Variants in GPR132 observed in about 807,000 individuals in gnomAD.
GPR132 encodes G protein-coupled receptor 132.
In GPR132, 4 loss-of-function variants were observed where a neutral mutation model predicts 1.9. That is an observed-to-expected ratio of 2.13 (90% CI 1.05 to 4.87). GPR132 has a LOEUF of 4.87. Among genes scored for constraint, GPR132 ranks in the 30% most tolerant of loss-of-function variants. The pLI, the probability that GPR132 is intolerant of heterozygous loss-of-function variation, is 0.01. For missense variants in GPR132, 404 were observed against 512.5 expected, an observed-to-expected ratio of 0.79 and a Z score of 2.04; for synonymous variants, 233 against 234.2, an observed-to-expected ratio of 0.99 and a Z score of 0.05.
chr14:105,054,175 G>A (rs1312469982), intron 3 of GPR132: 7 of 1,257,260 alleles, frequency 5.6e-6, no homozygotes, highest in East Asian at 6.0e-5. Flanking sequence ...CCTGACGGAC[G>A]GACAGAGCGT....
Position 105,051,398 on chromosome 14 carries a change from C to T in GPR132, c.739G>A (p.Val247Met), listed in dbSNP as rs1173487669. The T allele has an allele frequency of 6.2e-7, 1 of 1,614,172 alleles. No individual in the cohort carries two copies. Among genetic ancestry groups the T allele is most frequent in the South Asian group, 1.1e-5 (1 of 91,090 alleles). ...AAGCAGACTAGGAAGATGACAACCA[C>T]CGCGATGGCCGAGTGCTTCACCTTG... ...KAKVKHSAIAVVVIFLVCFAP... is the reference protein window; with the variant it reads ...KAKVKHSAIAMVVIFLVCFAP... Residue 247 changes from valine to methionine, a missense_variant, in exon 4 of 4, where the codon GTG (valine) becomes ATG (methionine). Coordinates refer to ENST00000329797, the MANE Select transcript of GPR132 (RefSeq NM_013345.4). This position sits in a 1 kb window ranked among gnomAD's most constrained non-coding sequence, Gnocchi z 8.0.
chr14:105,057,721 C>T (rs565049164), intron 1 of GPR132, among the ~76,000 whole-genome samples: 1 of 148,580 alleles, frequency 6.7e-6, no homozygotes, highest in Admixed American at 6.8e-5. Context: ...CAGAGTCGCA[C>T]TCTGTTGCCC....
intron 1 of GPR132, chr14:105,057,522 T>C (rs1886829664): frequency 4.5e-6 from 1 of 221,984 alleles, no homozygotes; most frequent in Admixed American, 5.9e-5. Flanking sequence ...TTTTTTTTTT[T>C]TTTTTTTTTT....
rs1886902857 is a variant in GPR132 at position 105,060,136 on chromosome 14, C to T, written c.-860-2856G>A. Among the ~76,000 whole-genome samples, 1 of 152,222 alleles carries T rather than the reference C, an allele frequency of 6.6e-6. No homozygotes were observed. Among genetic ancestry groups the T allele is most frequent in the Non-Finnish European group, 1.5e-5 (1 of 68,042 alleles). ...TGGGGCAGCGCTGAGGGTCTTCAGACTCTCCCTCGGGTGCCTGTGTGCTGG... is the reference window on the plus strand; with the variant it reads ...TGGGGCAGCGCTGAGGGTCTTCAGATTCTCCCTCGGGTGCCTGTGTGCTGG... On this transcript the variant is annotated intron_variant, in intron 1 of 3. Coordinates refer to ENST00000329797, the MANE Select transcript of GPR132 (RefSeq NM_013345.4). The surrounding 1 kb of genome is among the most constrained non-coding windows in gnomAD (Gnocchi z 6.3).
In GPR132 at chr14:105,059,261, C is replaced by A. The variant is rs547851439; in HGVS notation, c.-860-1981G>T. Among the ~76,000 whole-genome samples, 15 of 152,206 alleles carry A rather than the reference C, an allele frequency of 9.9e-5. No homozygotes were observed. The highest frequency in any genetic ancestry group is 2.2e-4 in the Non-Finnish European group (15 of 68,022). On this transcript the variant is annotated intron_variant, in intron 1 of 3. Transcript: ENST00000329797. The surrounding 1 kb of genome is among the most constrained non-coding windows in gnomAD (Gnocchi z 4.2). Reference sequence around the variant, plus strand: ...GAGCCACTTGCTCTTCCCGCCCATCCCACGTGGCTCTTGCAGGAATTCTCT... The same window carrying A: ...GAGCCACTTGCTCTTCCCGCCCATCACACGTGGCTCTTGCAGGAATTCTCT...
At chr14:105,054,813 G>A (rs766597766) in intron 3 of GPR132, among the ~76,000 whole-genome samples, 20 of 150,640 alleles carry the variant, frequency 1.3e-4, no homozygotes, top group Non-Finnish European at 2.5e-4. Flanking sequence ...GCCAGGGTGG[G>A]GAGATCACTA....
At chr14:105,053,587 A>T (rs997898991) in intron 3 of GPR132, among the ~76,000 whole-genome samples, 1 of 151,754 alleles carries the variant, frequency 6.6e-6, no homozygotes, top group Non-Finnish European at 1.5e-5. Context: ...TGCTTTACGT[A>T]TTTGAAGCTA....
chr14:105,062,176 C>T (rs903626229), intron 1 of GPR132, among the ~76,000 whole-genome samples: 1 of 152,228 alleles, frequency 6.6e-6, no homozygotes, highest in African/African-American at 2.4e-5. Context: ...AGCCTGACAC[C>T]CCCGTCCACC....
In GPR132 at chr14:105,050,578, G is replaced by T; in HGVS notation, c.*416C>A. The T allele has an allele frequency of 4.7e-6, 1 of 211,616 alleles. No individual in the cohort carries two copies. The highest frequency in any genetic ancestry group is 9.7e-6 in the Non-Finnish European group (1 of 103,436). The allele number at this position is 211,616 out of a possible 1,614,324, so 13.1% of individuals were successfully genotyped here. ...ACATTCTGAGGCAGGAGCCCAGAGG[G>T]CCCACAATGCACCACCGCATCCAGG... On this transcript the variant is annotated 3_prime_UTR_variant, in exon 4 of 4. Transcript: ENST00000329797. The surrounding 1 kb of genome is among the most constrained non-coding windows in gnomAD (Gnocchi z 4.0).
In GPR132 at chr14:105,056,470, G is replaced by A. The variant is rs866501084; in HGVS notation, c.-746-304C>T. Among the ~76,000 whole-genome samples the A allele has an allele frequency of 7.7e-4, 118 of 152,310 alleles. 1 individual carries two copies. The highest frequency in any genetic ancestry group is 2.6e-3 in the African/African-American group (108 of 41,566). ...GGCAGAGCCAGAATCCAAAACACAA[G>A]GGGAGATGCAGGCAAGACCCGGGGT... On this transcript the variant is annotated intron_variant, in intron 2 of 3. Transcript: ENST00000329797. The surrounding 1 kb of genome is among the most constrained non-coding windows in gnomAD (Gnocchi z 6.0).
intron 3 of GPR132, chr14:105,054,437 T>C (rs1886733812): frequency 1.0e-6 from 1 of 982,396 alleles, no homozygotes; most frequent in African/African-American, 1.8e-5. Flanking sequence ...CTTTTTTTTT[T>C]TTTTGAGACG....
chr14:105,054,868 C>T (rs918280603), intron 3 of GPR132, among the ~76,000 whole-genome samples: 2 of 151,050 alleles, frequency 1.3e-5, no homozygotes, highest in South Asian at 2.1e-4. Flanking sequence ...GGTGAAAACT[C>T]GTCTCTACTA....
At chr14:105,053,801 G>A (rs1046546175) in intron 3 of GPR132, 3 of 394,996 alleles carry the variant, frequency 7.6e-6, no homozygotes, top group South Asian at 1.2e-4. Context: ...GTTGAATGAA[G>A]GTTGCTAACT....
Position 105,051,349 on chromosome 14 carries a change from A to G in GPR132, c.788T>C (p.Leu263Pro). 1 of 1,614,022 alleles carries G rather than the reference A, an allele frequency of 6.2e-7. No individual in the cohort carries two copies. The highest frequency in any genetic ancestry group is 8.5e-7 in the Non-Finnish European group (1 of 1,179,852). Residue 263 changes from leucine (L) to proline (P), a missense_variant, in exon 4 of 4, where the codon CTC (leucine) becomes CCC (proline). Physicochemically the swap from Leu to Pro is moderately conservative, Grantham distance 98. Coordinates refer to ENST00000329797, the MANE Select transcript of GPR132 (RefSeq NM_013345.4). This position sits in a 1 kb window ranked among gnomAD's most constrained non-coding sequence, Gnocchi z 8.0. ...GTAGGAAAAGGCAGCGGCTTTGACG[A>G]GGAGAACCAGGTGGTACGGGGCGAA... Reference protein sequence around the residue: ...VCFAPYHLVLLVKAAAFSYYR... With the variant: ...VCFAPYHLVLPVKAAAFSYYR...
chr14:105,051,368 G>C lies in GPR132; in HGVS notation c.769C>G (p.Pro257Ala). 1 of 1,614,118 alleles carries C rather than the reference G, an allele frequency of 6.2e-7. No individual in the cohort carries two copies. Among genetic ancestry groups the C allele is most frequent in the Non-Finnish European group, 8.5e-7 (1 of 1,179,942 alleles). The change falls in exon 4 of 4, where the codon CCG becomes GCG. Residue 257 changes from proline (P) to alanine (A), a missense_variant. Coordinates refer to ENST00000329797, the MANE Select transcript of GPR132 (RefSeq NM_013345.4). This position sits in a 1 kb window ranked among gnomAD's most constrained non-coding sequence, Gnocchi z 8.0. The part of the protein sequence containing the change: ...VVVIFLVCFA[P>A]YHLVLLVKAA... Reference sequence around the variant, plus strand: ...TTGACGAGGAGAACCAGGTGGTACGGGGCGAAGCAGACTAGGAAGATGACA... The same window carrying C: ...TTGACGAGGAGAACCAGGTGGTACGCGGCGAAGCAGACTAGGAAGATGACA...
At chr14:105,053,871 A>C in intron 3 of GPR132, 4 of 1,054,202 alleles carry the variant, frequency 3.8e-6, no homozygotes, top group Non-Finnish European at 3.5e-6. Flanking sequence ...TGGAATCACA[A>C]AAGTCCTTAA....
chr14:105,055,825 G>C lies in GPR132; in HGVS notation c.-405C>G, dbSNP rs1001871457. 1.1e-5 allele frequency: 2 copies of C among 187,368 alleles called. No homozygotes were observed. The highest frequency in any genetic ancestry group is 4.7e-5 in the African/African-American group (2 of 42,872). The allele number at this position is 187,368 out of a possible 1,614,324, so 11.6% of individuals were successfully genotyped here. ...GAGCAATCCTGCACGTGTGGCGTGTGGCGTGTGGCGTGTGGCGTGTTCTGC... is the reference window on the plus strand; with the variant it reads ...GAGCAATCCTGCACGTGTGGCGTGTCGCGTGTGGCGTGTGGCGTGTTCTGC... On this transcript the variant is annotated 5_prime_UTR_variant, in exon 3 of 4. Coordinates refer to ENST00000329797, the MANE Select transcript of GPR132 (RefSeq NM_013345.4). This position sits in a 1 kb window ranked among gnomAD's most constrained non-coding sequence, Gnocchi z 4.7.
At chr14:105,057,145 A>G in intron 2 of GPR132, 22 bp downstream of exon 2, 1 of 1,526,668 alleles carries the variant, frequency 6.6e-7, no homozygotes, top group Non-Finnish European at 8.8e-7. Context: ...TACATGTTCA[A>G]AGTCGGAGAA....
intron 3 of GPR132, among the ~76,000 whole-genome samples, chr14:105,052,370 C>A (rs888315148): frequency 6.6e-6 from 1 of 152,034 alleles, no homozygotes; most frequent in African/African-American, 2.4e-5. Context: ...TCTTGTGGCC[C>A]AGGTTGGAGT....
Sources: allele counts gnomAD v4.1 joint callset (sites outside exome capture counted in the v4.1 genomes callset), GRCh38; gene constraint gnomAD v4.1.1; non-coding constraint Gnocchi (gnomAD v3.1); transcripts MANE v1.5; gene names NCBI Gene and HGNC (gene_info 2026-07-23, HGNC 2026-07-21).